The following MAMLD1 variants were observed in gnomAD, a reference collection of about 807,000 sequenced individuals.
MAMLD1 encodes the protein mastermind like domain containing 1, also known as mastermind-like domain-containing protein 1.
In MAMLD1, 14 loss-of-function variants were observed where a neutral mutation model predicts 45.0. That is an observed-to-expected ratio of 0.31 (90% CI 0.21 to 0.49). The LOEUF is 0.49. MAMLD1 is among the 20% of genes least tolerant of loss of function. The pLI is 0.99. For missense variants in MAMLD1, 543 were observed against 603.6 expected (o/e 0.90, Z 1.05); for synonymous variants, 254 against 247.8 (o/e 1.02, Z -0.24).
intron 1 of MAMLD1, among the ~76,000 whole-genome samples, chrX:150,367,378 T>C (rs893426479): frequency 9.0e-6 from 1 of 111,477 alleles, no homozygotes; most frequent in African/African-American, 3.3e-5. Context: ...GTTTAATGTA[T>C]TTTCTTCCCT....
chrX:150,490,413 G>A (rs973449936), intron 5 of MAMLD1, among the ~76,000 whole-genome samples: 7 of 112,201 alleles, frequency 6.2e-5, no homozygotes, highest in Admixed American at 2.8e-4. Flanking sequence ...CCCAGGTCTG[G>A]AAAAATAAAA....
intron 5 of MAMLD1, among the ~76,000 whole-genome samples, chrX:150,484,970 CT>C (rs1557407528): frequency 8.9e-6 from 1 of 111,825 alleles, no homozygotes; most frequent in Non-Finnish European, 1.9e-5. Context: ...TTCTTTGCCC[CT>C]ATCTTGGCTG....
rs781901583 is a variant in MAMLD1, at chrX:150,471,271, G to A, written c.1698G>A (p.Gln566=). 1.7e-6 allele frequency: 2 copies of A among 1,209,508 alleles called. No individual in the cohort carries two copies. The highest frequency in any genetic ancestry group is 4.4e-5 in the Admixed American group (2 of 45,741). ...KMPSMPTTSR[Q]PSLLHYLQQP... ...CCTCCATGCCTACCACCTCTAGGCA[G>A]CCTTCCCTGCTCCACTACCTGCAGC... Residue 566 remains glutamine, a synonymous_variant, in exon 4 of 8, where the codon CAG becomes CAA. Coordinates refer to ENST00000370401, the MANE Select transcript of MAMLD1 (RefSeq NM_005491.5).
intron 1 of MAMLD1, among the ~76,000 whole-genome samples, chrX:150,365,980 A>G (rs1311416812): frequency 3.6e-5 from 4 of 112,493 alleles, no homozygotes; most frequent in Non-Finnish European, 7.5e-5. Flanking sequence ...ATAATGTTAG[A>G]AGTAACCTTT....
chrX:150,500,796 A>G (rs2037527427), intron 5 of MAMLD1, among the ~76,000 whole-genome samples: 1 of 69,446 alleles, frequency 1.4e-5, no homozygotes, highest in South Asian at 8.7e-4. Flanking sequence ...AGTGTGTGAT[A>G]AGCAGTTTCT....
At chrX:150,389,157 A>C (rs782229116) in intron 1 of MAMLD1, among the ~76,000 whole-genome samples, 3 of 110,266 alleles carry the variant, frequency 2.7e-5, no homozygotes, top group Non-Finnish European at 5.7e-5. Flanking sequence ...AGTGATTCTC[A>C]TGCTTCAGCC....
intron 1 of MAMLD1, among the ~76,000 whole-genome samples, chrX:150,364,297 G>A (rs951015098): frequency 1.8e-5 from 2 of 113,227 alleles, no homozygotes; most frequent in East Asian, 5.6e-4. Flanking sequence ...GCTTGGCCAG[G>A]CTCCGTCCCA....
intron 2 of MAMLD1, among the ~76,000 whole-genome samples, chrX:150,450,560 G>T (rs1330320892): frequency 1.8e-5 from 2 of 111,804 alleles, no homozygotes; most frequent in Admixed American, 9.4e-5. Context: ...GTAAAGTAGG[G>T]TTAATAACTC....
chrX:150,500,480 C>T (rs1470773731), intron 5 of MAMLD1, among the ~76,000 whole-genome samples: 1 of 111,112 alleles, frequency 9.0e-6, no homozygotes, highest in Non-Finnish European at 1.9e-5. Context: ...GACCTGGTTC[C>T]AGCAAACTCT....
At chrX:150,421,402 C>T (rs946129048) in intron 1 of MAMLD1, among the ~76,000 whole-genome samples, 15 of 112,800 alleles carry the variant, frequency 1.3e-4, no homozygotes, top group African/African-American at 4.5e-4. Flanking sequence ...TCTTCTGCGT[C>T]GCTCACGCTG....
At chrX:150,386,307 C>G (rs2032926766) in intron 1 of MAMLD1, among the ~76,000 whole-genome samples, 1 of 111,381 alleles carries the variant, frequency 9.0e-6, no homozygotes, top group African/African-American at 3.3e-5. Context: ...TCATGATGTT[C>G]TTTCTATTGA....
At chrX:150,380,082 A>T (rs781857926) in intron 1 of MAMLD1, among the ~76,000 whole-genome samples, 1 of 112,568 alleles carries the variant, frequency 8.9e-6, no homozygotes, top group South Asian at 3.7e-4. Context: ...AAACAAATGT[A>T]GTTTTGTTAG....
intron 1 of MAMLD1, among the ~76,000 whole-genome samples, chrX:150,419,384 CTT>C (rs1387398690): frequency 9.3e-6 from 1 of 107,518 alleles, no homozygotes; most frequent in Non-Finnish European, 1.9e-5. Flanking sequence ...GGTCTTGACT[CTT>C]TATCCAATTT....
chrX:150,467,880 G>A (rs1025112402), intron 3 of MAMLD1, among the ~76,000 whole-genome samples: 6 of 112,103 alleles, frequency 5.4e-5, no homozygotes, highest in Non-Finnish European at 1.1e-4. Flanking sequence ...TTATAATGCC[G>A]GGTACCAGTT....
chrX:150,459,127 G>A (rs1557405488), intron 2 of MAMLD1, among the ~76,000 whole-genome samples: 2 of 111,813 alleles, frequency 1.8e-5, no homozygotes, highest in African/African-American at 6.5e-5. Context: ...AATGGGGTCT[G>A]TTTTTATCAT....
At chrX:150,480,074 T>C (rs1431127429) in intron 5 of MAMLD1, among the ~76,000 whole-genome samples, 2 of 111,966 alleles carry the variant, frequency 1.8e-5, no homozygotes, top group Non-Finnish European at 3.8e-5. Flanking sequence ...TGACTCTCAC[T>C]TCCAGCTTCT....
intron 5 of MAMLD1, among the ~76,000 whole-genome samples, chrX:150,484,706 A>G (rs2036931766): frequency 8.9e-6 from 1 of 112,411 alleles, no homozygotes; most frequent in Non-Finnish European, 1.9e-5. Context: ...CTGAATGACA[A>G]CGTGGTCTCA....
chrX:150,500,891 T>A (rs2037531129), intron 5 of MAMLD1, among the ~76,000 whole-genome samples: 1 of 111,489 alleles, frequency 9.0e-6, no homozygotes, highest in Admixed American at 9.5e-5. Flanking sequence ...CTGAATCTCA[T>A]CTCTTTTATT....
intron 5 of MAMLD1, among the ~76,000 whole-genome samples, chrX:150,489,882 G>T (rs781935892): frequency 9.0e-6 from 1 of 111,105 alleles, no homozygotes; most frequent in Non-Finnish European, 1.9e-5. Context: ...AATGCAGGTG[G>T]TCTGTGACAA....
Sources: gnomAD v4.1 joint callset for allele counts (sites outside exome capture counted in the v4.1 genomes callset) on GRCh38, gnomAD v4.1.1 for gene constraint, MANE v1.5 for transcripts, NCBI Gene and HGNC (gene_info 2026-07-23, HGNC 2026-07-21) for gene names.